SGCD: variants seen among roughly 807,000 people sequenced by gnomAD.
The protein encoded by SGCD is sarcoglycan delta.
Under a neutral mutation model 36.6 loss-of-function variants are expected in SGCD, and 18 were observed. The ratio of observed to expected loss-of-function variants is 0.49; its 90% CI spans 0.34 to 0.73. SGCD has a LOEUF of 0.73. Among genes scored for constraint, SGCD ranks in the 30% least tolerant of loss-of-function variants. SGCD has a pLI of 0.01. For missense variants in SGCD, 387 were observed against 346.7 expected (o/e 1.12, Z -0.92); for synonymous variants, 133 against 130.6 (o/e 1.02, Z -0.12).
At chr5:155,740,913 C>T in the SGCD span, among the ~76,000 whole-genome samples, 8 of 152,300 alleles carry the variant, frequency 5.3e-5, no homozygotes, top group East Asian at 1.9e-4. Context: ...GTGAGGACCA[C>T]GACTCATGAC....
chr5:156,052,346 A>G (rs1216972088), intron 1 of SGCD, among the ~76,000 whole-genome samples: 1 of 146,174 alleles, frequency 6.8e-6, no homozygotes, highest in African/African-American at 2.5e-5. Flanking sequence ...AATATTACAG[A>G]TGAAAGGGGA....
At chr5:155,767,268 C>G in the SGCD span, among the ~76,000 whole-genome samples, 2 of 152,186 alleles carry the variant, frequency 1.3e-5, no homozygotes, top group South Asian at 2.1e-4. Context: ...GAGGACCCTC[C>G]ATGGGGCGGC....
At chr5:156,365,778 T>C (rs35804717) in intron 3 of SGCD, among the ~76,000 whole-genome samples, 61,708 of 152,040 alleles carry the variant, frequency 0.41, 13,407 homozygotes, top group East Asian at 0.79. Flanking sequence ...TGTCTATATT[T>C]CCATGTGTAT....
At chr5:156,529,489 T>C (rs1026197452) in intron 4 of SGCD, among the ~76,000 whole-genome samples, 2 of 151,934 alleles carry the variant, frequency 1.3e-5, no homozygotes, top group African/African-American at 4.8e-5. Context: ...ATCTTTGTTT[T>C]TCTTCACTCC....
intron 1 of SGCD, among the ~76,000 whole-genome samples, chr5:155,905,761 G>A (rs1260331432): frequency 2.6e-5 from 4 of 151,928 alleles, no homozygotes; most frequent in African/African-American, 7.3e-5. Flanking sequence ...AGATCTGATG[G>A]GTTTATCAGG....
intron 3 of SGCD, among the ~76,000 whole-genome samples, chr5:156,347,414 C>T (rs985610236): frequency 6.6e-6 from 1 of 152,054 alleles, no homozygotes; most frequent in Non-Finnish European, 1.5e-5. Context: ...TAGTATGGAC[C>T]TTGCATTTAA....
At chr5:156,746,952 T>C (rs973625475) in intron 7 of SGCD, among the ~76,000 whole-genome samples, 2 of 151,960 alleles carry the variant, frequency 1.3e-5, no homozygotes, top group Admixed American at 1.3e-4. Context: ...TGGGAGAAAA[T>C]ACTTGAAATA....
intron 3 of SGCD, among the ~76,000 whole-genome samples, chr5:156,253,373 A>G (rs566399488): frequency 6.6e-6 from 1 of 152,334 alleles, no homozygotes; most frequent in South Asian, 2.1e-4. Context: ...GAGGCTAATT[A>G]GCATTTTTCA....
At chr5:156,068,357 G>A (rs1760405785) in intron 1 of SGCD, among the ~76,000 whole-genome samples, 1 of 151,732 alleles carries the variant, frequency 6.6e-6, no homozygotes, top group Non-Finnish European at 1.5e-5. Flanking sequence ...CCACTTATGA[G>A]TGAGAATATG....
At chr5:155,818,069 G>C in the SGCD span, among the ~76,000 whole-genome samples, 2 of 152,078 alleles carry the variant, frequency 1.3e-5, no homozygotes, top group African/African-American at 4.8e-5. Flanking sequence ...ATTGATTGCC[G>C]AGAAGAATAC....
intron 3 of SGCD, among the ~76,000 whole-genome samples, chr5:156,235,041 A>G (rs560556938): frequency 1.2e-4 from 19 of 152,316 alleles, no homozygotes; most frequent in South Asian, 4.1e-4. Context: ...ATTTTCTTAT[A>G]ATATTCATGA....
At position 156,081,494 on chromosome 5, in the gene SGCD, G is replaced by A. The variant is rs1760951464; in HGVS notation, c.-281-36384G>A. Among the ~76,000 whole-genome samples, 3 of 152,124 alleles carry A rather than the reference G, an allele frequency of 2.0e-5. No individual in the cohort carries two copies. In the South Asian group the frequency reaches 6.2e-4, roughly 32 times the overall value. ...TGCAGCATTGATCTCCCTGGAATAA[G>A]CAATTCCTCCTGCCTCAGCCTCCTG... On this transcript the variant is annotated intron_variant, in intron 1 of 9. Transcript: ENST00000517913.
chr5:156,133,412 T>G (rs1762374620), intron 3 of SGCD, among the ~76,000 whole-genome samples: 1 of 152,212 alleles, frequency 6.6e-6, no homozygotes, highest in African/African-American at 2.4e-5. Context: ...CCAGAGATAT[T>G]CTATTCTTTT....
chr5:156,339,047 A>G (rs2127711931), intron 2 of SGCD, among the ~76,000 whole-genome samples: 1 of 152,310 alleles, frequency 6.6e-6, no homozygotes, highest in East Asian at 1.9e-4. Flanking sequence ...CAGCTCTCCA[A>G]AACATGCTTT....
intron 2 of SGCD, among the ~76,000 whole-genome samples, chr5:156,121,871 A>G (rs1762049248): frequency 6.6e-6 from 1 of 152,042 alleles, no homozygotes; most frequent in East Asian, 1.9e-4. Flanking sequence ...AAAATCTGAA[A>G]ACAGCATGAT....
chr5:156,071,623 G>T (rs1760565618), intron 1 of SGCD, among the ~76,000 whole-genome samples: 1 of 152,208 alleles, frequency 6.6e-6, no homozygotes, highest in Admixed American at 6.5e-5. Flanking sequence ...TTGGGGTGGA[G>T]AGTTCTGTAC....
intron 4 of SGCD, among the ~76,000 whole-genome samples, chr5:156,581,299 C>T (rs1192301881): frequency 6.6e-6 from 1 of 152,100 alleles, no homozygotes; most frequent in Admixed American, 6.5e-5. Context: ...AGCTTCATCC[C>T]AGAGGGGCAC....
At chr5:156,736,651 A>T (rs1338943758) in intron 7 of SGCD, among the ~76,000 whole-genome samples, 2 of 152,178 alleles carry the variant, frequency 1.3e-5, no homozygotes, top group Admixed American at 1.3e-4. Context: ...CAAGTGAATG[A>T]CAGGGTGGAC....
chr5:156,167,877 G>A (rs761803485), intron 3 of SGCD, among the ~76,000 whole-genome samples: 1 of 152,142 alleles, frequency 6.6e-6, no homozygotes, highest in African/African-American at 2.4e-5. Flanking sequence ...TTCCTTTATA[G>A]TAATGCAAAA....
Sources: gnomAD v4.1 joint callset for allele counts (sites outside exome capture counted in the v4.1 genomes callset) on GRCh38, gnomAD v4.1.1 for gene constraint, MANE v1.5 for transcripts, NCBI Gene and HGNC (gene_info 2026-07-23, HGNC 2026-07-21) for gene names.